AKAP13: variants seen among roughly 807,000 people sequenced by gnomAD.
AKAP13 encodes A-kinase anchoring protein 13, also known as A-kinase anchor protein 13.
Under a neutral mutation model 264.5 loss-of-function variants are expected in AKAP13, and 80 were observed. The observed-to-expected ratio is 0.30, with a 90% confidence interval of 0.25 to 0.36. AKAP13 has a LOEUF of 0.36. AKAP13 is among the 10% of genes least tolerant of loss of function. The probability of loss-of-function intolerance (pLI) is 1.00; values close to 1 mark genes in which losing one functional copy is unlikely to be tolerated. For missense variants in AKAP13, 3,712 were observed against 3,435.2 expected, an observed-to-expected ratio of 1.08 and a Z score of -2.01; for synonymous variants, 1,380 against 1,250.2, an observed-to-expected ratio of 1.10 and a Z score of -2.19.
chr15:85,533,615 G>T lies in AKAP13; in HGVS notation c.213G>T (p.Gln71His). Residue 71 changes from glutamine (Q) to histidine (H), a missense_variant, in exon 4 of 37, where the codon CAG becomes CAT. By Grantham distance (24) the Gln-to-His change is conservative. Transcript: ENST00000394518. ...ATTGTTGTGAAACAGTGAAGGTGCA[G>T]CTCTGTGCTTCCAAAGAGGGCCTTC... ...GHDCCETVKV[Q>H]LCASKEGLPV... The T allele has an allele frequency of 6.2e-7, 1 of 1,613,634 alleles. No individual in the cohort carries two copies. The highest frequency in any genetic ancestry group is 8.5e-7 in the Non-Finnish European group (1 of 1,179,708).
At chr15:85,508,167 G>A (rs1006804462) in intron 2 of AKAP13, among the ~76,000 whole-genome samples, 26 of 147,702 alleles carry the variant, frequency 1.8e-4, no homozygotes, top group Admixed American at 1.3e-4. Context: ...TTTTGAGATA[G>A]GGTCTCACTC....
At position 85,714,441 on chromosome 15, in the gene AKAP13, T is replaced by G. The variant is rs79365450; in HGVS notation, c.5600-1347T>G. On this transcript the variant is annotated intron_variant, in intron 19 of 36. Transcript: ENST00000394518. ...GTAGTTACAGGTGTTAAACAAGTGT[T>G]AAATTTTCCTCATCTGTAAATTAAA... Among the ~76,000 whole-genome samples, 372 of 152,344 alleles carry G rather than the reference T, an allele frequency of 2.4e-3. 17 individuals are homozygous for G. The East Asian group carries it at 0.061, about 25-fold the overall frequency.
At chr15:85,541,142 A>G (rs956541919) in intron 4 of AKAP13, among the ~76,000 whole-genome samples, 28 of 152,260 alleles carry the variant, frequency 1.8e-4, no homozygotes, top group Non-Finnish European at 1.5e-4. Context: ...GTCAAAATTT[A>G]TCAAATGGGT....
chr15:85,744,496 G>A (rs182110789), intron 36 of AKAP13, 132 bp from the exon 37 acceptor site: 1 of 935,084 alleles, frequency 1.1e-6, no homozygotes, highest in African/African-American at 1.6e-5. Flanking sequence ...AAACCCCGGT[G>A]CGCAGAAGAG....
chr15:85,623,600 G>A (rs370458052), intron 8 of AKAP13, among the ~76,000 whole-genome samples: 1 of 152,258 alleles, frequency 6.6e-6, no homozygotes, highest in East Asian at 1.9e-4. Context: ...GGCTGGGTAC[G>A]CTAGTGTCAT....
At chr15:85,665,960 A>G (rs1736241984) in intron 13 of AKAP13, among the ~76,000 whole-genome samples, 1 of 152,142 alleles carries the variant, frequency 6.6e-6, no homozygotes, top group Non-Finnish European at 1.5e-5. Context: ...AGTCTTTGCT[A>G]TTGTTAACAA....
intron 1 of AKAP13, among the ~76,000 whole-genome samples, chr15:85,438,422 C>T (rs934404888): frequency 6.6e-6 from 1 of 151,810 alleles, no homozygotes; most frequent in Non-Finnish European, 1.5e-5. Context: ...AACTCCATCC[C>T]CATAAAGCTA....
chr15:85,679,424 A>T (rs1402290855), intron 14 of AKAP13, among the ~76,000 whole-genome samples: 1 of 152,200 alleles, frequency 6.6e-6, no homozygotes, highest in Non-Finnish European at 1.5e-5. Context: ...AGTAAGAATT[A>T]TGTGTGGGCA....
At chr15:85,619,952 T>C (rs544281747) in intron 8 of AKAP13, 28 of 1,454,606 alleles carry the variant, frequency 1.9e-5, no homozygotes, top group Non-Finnish European at 2.3e-5. Flanking sequence ...TTTGAGAGTT[T>C]TAATAGAGAG....
intron 2 of AKAP13, among the ~76,000 whole-genome samples, chr15:85,517,729 T>C (rs1300084405): frequency 3.9e-5 from 6 of 152,160 alleles, no homozygotes; most frequent in Admixed American, 3.3e-4. Context: ...ACACAGTTTA[T>C]TTATATGGGG....
Position 85,718,061 on chromosome 15 carries a change from C to G in AKAP13, c.5903C>G (p.Ser1968Cys). Residue 1968 changes from serine to cysteine, a missense_variant, in exon 22 of 37, where the codon TCC (serine) becomes TGC (cysteine). By Grantham distance (112) the Ser-to-Cys change is moderately radical (BLOSUM62 -1). Transcript: ENST00000394518. The surrounding 1 kb of genome is among the most constrained non-coding windows in gnomAD (Gnocchi z 4.9). ...CTACTGGGAGACTTTGAGATTGAGT[C>G]CAAACAGCTGGAAGCAGAGTCTTGG... Reference protein sequence around the residue: ...GQLLGDFEIESKQLEAESWSR... With the variant: ...GQLLGDFEIECKQLEAESWSR... 2 of 1,614,070 alleles carry G rather than the reference C, an allele frequency of 1.2e-6. No homozygotes were observed. The highest frequency in any genetic ancestry group is 1.7e-6 in the Non-Finnish European group (2 of 1,179,992).
intron 1 of AKAP13, among the ~76,000 whole-genome samples, chr15:85,464,170 C>T (rs1393646937): frequency 6.6e-6 from 1 of 152,130 alleles, no homozygotes; most frequent in Non-Finnish European, 1.5e-5. Context: ...ATCTGACTGG[C>T]GACTTTCCTC....
chr15:85,669,693 A>G, intron 13 of AKAP13, 29 bp from the exon 14 acceptor site: 1 of 1,483,932 alleles, frequency 6.7e-7, no homozygotes, highest in Non-Finnish European at 9.4e-7. Context: ...ATATGCTTAC[A>G]ACGTGTTCTT....
chr15:85,735,094 C>T lies in AKAP13; in HGVS notation c.7385C>T (p.Pro2462Leu), dbSNP rs267604358. The change falls in exon 31 of 37, where the codon CCC becomes CTC. Residue 2462 changes from proline to leucine, a missense_variant. Transcript: ENST00000394518. ...EQDVVGPVSL[P>L]RRAETFGGFD... ...GATGTGGTCGGTCCCGTTTCCCTGC[C>T]CCGGAGAGCAGAGACCTTTGGAGGA... 1.2e-6 allele frequency: 2 copies of T among 1,614,156 alleles called. No individual in the cohort carries two copies. Among genetic ancestry groups the T allele is most frequent in the South Asian group, 2.2e-5 (2 of 91,070 alleles).
chr15:85,462,884 C>T (rs1261195294), intron 1 of AKAP13, among the ~76,000 whole-genome samples: 4 of 150,214 alleles, frequency 2.7e-5, no homozygotes, highest in South Asian at 2.1e-4. Flanking sequence ...ATTAGCCGGG[C>T]GTAGTGGCGG....
At chr15:85,439,497 G>C (rs548930406) in intron 1 of AKAP13, among the ~76,000 whole-genome samples, 99 of 151,704 alleles carry the variant, frequency 6.5e-4, no homozygotes, top group African/African-American at 2.2e-3. Flanking sequence ...TATAAATCAT[G>C]CTGCTGTAAA....
chr15:85,401,543 C>T (rs2071421826), intron 1 of AKAP13, among the ~76,000 whole-genome samples: 1 of 152,186 alleles, frequency 6.6e-6, no homozygotes, highest in African/African-American at 2.4e-5. Flanking sequence ...TTTACTGTTT[C>T]CTCCCCCTGG....
chr15:85,457,374 A>G (rs535237717), intron 1 of AKAP13, among the ~76,000 whole-genome samples: 2 of 152,312 alleles, frequency 1.3e-5, no homozygotes, highest in South Asian at 2.1e-4. Context: ...TCGGCTTTTA[A>G]ACACTTTTCT....
At chr15:85,440,477 A>G (rs1356293492) in intron 1 of AKAP13, among the ~76,000 whole-genome samples, 2 of 152,214 alleles carry the variant, frequency 1.3e-5, no homozygotes, top group Non-Finnish European at 2.9e-5. Flanking sequence ...TGAAGAGCTG[A>G]TGCAAAATCT....
Sources: gnomAD v4.1 joint callset for allele counts (sites outside exome capture counted in the v4.1 genomes callset) on GRCh38, gnomAD v4.1.1 for gene constraint, Gnocchi (gnomAD v3.1) non-coding constraint, MANE v1.5 for transcripts, NCBI Gene and HGNC (gene_info 2026-07-23, HGNC 2026-07-21) for gene names.